The following CPXM2 variants were observed in gnomAD, a reference collection of about 807,000 sequenced individuals.
The protein encoded by CPXM2 is inactive carboxypeptidase-like protein X2.
In CPXM2, 66 loss-of-function variants were observed where a neutral mutation model predicts 86.1. The ratio of observed to expected loss-of-function variants is 0.77; its 90% confidence interval spans 0.63 to 0.94. CPXM2 has a LOEUF of 0.94. Ranked by LOEUF, CPXM2 falls within the 40% of genes least tolerant of loss-of-function variation. CPXM2 has a pLI of 0.00. For missense variants in CPXM2, 948 were observed against 1,026.3 expected (o/e 0.92, Z 1.04); for synonymous variants, 388 against 400.2 (o/e 0.97, Z 0.36).
intron 2 of CPXM2, among the ~76,000 whole-genome samples, chr10:123,867,480 T>C: frequency 6.6e-6 from 1 of 151,778 alleles, no homozygotes; most frequent in Non-Finnish European, 1.5e-5. Context: ...TGATTCATTT[T>C]TCTTCTTTTC....
chr10:123,822,819 C>G (rs1847957827), intron 4 of CPXM2, among the ~76,000 whole-genome samples: 1 of 151,992 alleles, frequency 6.6e-6, no homozygotes, highest in African/African-American at 2.4e-5. Context: ...CTTGCCTACC[C>G]TCAGACCTCT....
At chr10:123,860,219 AAGG>A (rs1395025170) in intron 3 of CPXM2, among the ~76,000 whole-genome samples, 4 of 152,208 alleles carry the variant, frequency 2.6e-5, no homozygotes, top group African/African-American at 9.7e-5. Context: ...TCAACAGAGG[AAGG>A]AGATGATCCA....
intron 2 of CPXM2, among the ~76,000 whole-genome samples, chr10:123,930,669 A>G (rs1384696611): frequency 1.3e-5 from 2 of 152,244 alleles, no homozygotes; most frequent in Admixed American, 6.5e-5. Flanking sequence ...TTGAAATTGC[A>G]TAACACTCCT....
intron 13 of CPXM2, chr10:123,750,549 T>C: frequency 1.0e-6 from 1 of 983,978 alleles, no homozygotes; most frequent in Non-Finnish European, 1.2e-6. Context: ...ATTTATTTTT[T>C]TCATGGCACT....
Position 123,747,123 on chromosome 10 carries a change from C to T in CPXM2, c.2018-106G>A, listed in dbSNP as rs555588003. ...CCTGGGCCAGAGAGAGACTCTCAGGCTGGCAACGTGGAATCCGAGCTCCTG... is the reference window on the plus strand; with the variant it reads ...CCTGGGCCAGAGAGAGACTCTCAGGTTGGCAACGTGGAATCCGAGCTCCTG... On this transcript the variant is annotated intron_variant, in intron 13 of 13. Coordinates refer to ENST00000241305, the MANE Select transcript of CPXM2 (RefSeq NM_198148.3). The T allele has an allele frequency of 1.1e-3, 1,565 of 1,372,514 alleles. 10 individuals are homozygous for T. Among genetic ancestry groups the T allele is most frequent in the Middle Eastern group, 2.2e-3 (11 of 5,086 alleles). 85.0% of individuals were successfully genotyped at this position (1,372,514 alleles called of 1,614,324 possible).
chr10:123,843,430 C>CTT (rs1295436202), intron 3 of CPXM2, among the ~76,000 whole-genome samples: 11 of 104,434 alleles, frequency 1.1e-4, no homozygotes, highest in African/African-American at 4.3e-4. Context: ...TTTCACAGAG[C>CTT]TATTTTTTTT....
intron 4 of CPXM2, among the ~76,000 whole-genome samples, chr10:123,835,616 T>A (rs1229524423): frequency 6.6e-6 from 1 of 152,178 alleles, no homozygotes; most frequent in African/African-American, 2.4e-5. Flanking sequence ...CAGCCCCACA[T>A]AGGTGCCAAA....
chr10:123,925,277 G>T (rs1945613984), intron 2 of CPXM2, among the ~76,000 whole-genome samples: 1 of 152,230 alleles, frequency 6.6e-6, no homozygotes, highest in East Asian at 1.9e-4. Context: ...AAAAGACAGA[G>T]AATTCAGGCT....
At chr10:123,853,430 A>G (rs1338417101) in intron 3 of CPXM2, among the ~76,000 whole-genome samples, 1 of 152,218 alleles carries the variant, frequency 6.6e-6, no homozygotes, top group African/African-American at 2.4e-5. Context: ...AGGCATCCTC[A>G]GCACCTAGAA....
intron 4 of CPXM2, among the ~76,000 whole-genome samples, chr10:123,841,680 G>A (rs1226310360): frequency 6.6e-6 from 1 of 152,228 alleles, no homozygotes; most frequent in Admixed American, 6.5e-5. Context: ...GCATGTGGCA[G>A]CATGCCTTCC....
Position 123,842,376 on chromosome 10 carries a change from A to G in CPXM2, c.626T>C (p.Ile209Thr), listed in dbSNP as rs376943268. Residue 209 changes from isoleucine (I) to threonine (T), a missense_variant, in exon 4 of 14, where the codon ATC becomes ACC. Physicochemically the swap from Ile to Thr is moderately conservative, Grantham distance 89 (BLOSUM62 -1). Transcript: ENST00000241305. Reference sequence around the variant, plus strand: ...CCAGAGGGAGTTCCTCCCTTGAGTGATGACACCAGTGAATCTGGTCAGGCG... The same window carrying G: ...CCAGAGGGAGTTCCTCCCTTGAGTGGTGACACCAGTGAATCTGGTCAGGCG... ...ARRLTRFTGV[I>T]TQGRNSLWLS... is the part of the protein sequence containing the mutation. The G allele has an allele frequency of 6.2e-7, 1 of 1,614,152 alleles. No individual in the cohort carries two copies. Among genetic ancestry groups the G allele is most frequent in the Non-Finnish European group, 8.5e-7 (1 of 1,180,064 alleles).
At chr10:123,932,602 G>A (rs1320095527) in intron 2 of CPXM2, among the ~76,000 whole-genome samples, 4 of 152,152 alleles carry the variant, frequency 2.6e-5, no homozygotes, top group African/African-American at 7.2e-5. Flanking sequence ...TCTGCTCCTT[G>A]CAATCTCATT....
At chr10:123,822,897 T>C (rs1354888746) in intron 4 of CPXM2, among the ~76,000 whole-genome samples, 2 of 152,060 alleles carry the variant, frequency 1.3e-5, no homozygotes, top group African/African-American at 2.4e-5. Flanking sequence ...ATGACAGATA[T>C]GGGGTTTCTT....
chr10:123,910,188 A>T (rs1181820611), intron 2 of CPXM2, among the ~76,000 whole-genome samples: 1 of 152,038 alleles, frequency 6.6e-6, no homozygotes, highest in East Asian at 1.9e-4. Context: ...CACCTGCCTC[A>T]TCTCCCGACT....
At chr10:123,805,967 G>T (rs543093633) in intron 4 of CPXM2, among the ~76,000 whole-genome samples, 11 of 151,936 alleles carry the variant, frequency 7.2e-5, no homozygotes, top group Non-Finnish European at 1.6e-4. Flanking sequence ...GCATTATTTT[G>T]GAATTCATTT....
intron 6 of CPXM2, among the ~76,000 whole-genome samples, chr10:123,789,523 C>A (rs1847154346): frequency 6.6e-6 from 1 of 152,186 alleles, no homozygotes; most frequent in Non-Finnish European, 1.5e-5. Flanking sequence ...AGATCATCAA[C>A]ATTGGGCAGC....
intron 6 of CPXM2, among the ~76,000 whole-genome samples, chr10:123,788,948 C>T (rs7922528): frequency 0.61 from 92,177 of 151,114 alleles, 28,634 homozygotes; most frequent in East Asian, 0.81. Context: ...ACCAGAGGTG[C>T]TTGGTCACAA....
chr10:123,858,723 C>T (rs1342780664), intron 3 of CPXM2, among the ~76,000 whole-genome samples: 1 of 152,228 alleles, frequency 6.6e-6, no homozygotes, highest in Non-Finnish European at 1.5e-5. Flanking sequence ...CTGATTCCCA[C>T]TCTCCCTCTG....
At chr10:123,860,637 C>T (rs900996728) in intron 3 of CPXM2, among the ~76,000 whole-genome samples, 9 of 152,318 alleles carry the variant, frequency 5.9e-5, no homozygotes, top group African/African-American at 2.2e-4. Context: ...CGACAGCTCC[C>T]CTAATTAATG....
Sources: allele counts gnomAD v4.1 joint callset (sites outside exome capture counted in the v4.1 genomes callset), GRCh38; gene constraint gnomAD v4.1.1; transcripts MANE v1.5; gene names NCBI Gene and HGNC (gene_info 2026-07-23, HGNC 2026-07-21).